Variants in HDAC9 observed in about 807,000 individuals in gnomAD.
The protein encoded by HDAC9 is MEF-2 interacting transcription repressor (MITR) protein.
In HDAC9, 41 loss-of-function variants were observed where a neutral mutation model predicts 139.4. The ratio of observed to expected loss-of-function variants is 0.29; its 90% CI spans 0.23 to 0.38. The LOEUF (loss-of-function observed/expected upper bound fraction) is 0.38, where lower values mean the gene tolerates loss of function less well. Among genes scored for constraint, HDAC9 ranks in the 10% least tolerant of loss-of-function variants. The pLI is 1.00. For synonymous variants in HDAC9, 517 were observed against 476.2 expected (o/e 1.09, Z -1.12); for missense variants, 1,147 against 1,297.0 (o/e 0.88, Z 1.78).
intron 16 of HDAC9, among the ~76,000 whole-genome samples, chr7:18,783,502 C>G (rs1791428985): frequency 6.6e-6 from 1 of 152,070 alleles, no homozygotes; most frequent in Non-Finnish European, 1.5e-5. Flanking sequence ...CAGATCATGT[C>G]TGGCCTTGTC....
chr7:18,199,547 A>T (rs899587458), intron 2 of HDAC9, among the ~76,000 whole-genome samples: 4 of 152,086 alleles, frequency 2.6e-5, no homozygotes, highest in African/African-American at 7.2e-5. Context: ...ATGCTTTGGT[A>T]GGCCAAGGCA....
upstream of HDAC9, among the ~76,000 whole-genome samples, chr7:18,287,383 A>G (rs1797521371): frequency 6.6e-6 from 1 of 152,266 alleles, no homozygotes; most frequent in South Asian, 2.1e-4. Context: ...AGTACTTGTT[A>G]CACTGAATAC....
At chr7:18,425,026 T>G (rs377412462) in intron 1 of HDAC9, among the ~76,000 whole-genome samples, 1 of 152,308 alleles carries the variant, frequency 6.6e-6, no homozygotes, top group African/African-American at 2.4e-5. Context: ...CAAAGATATT[T>G]GTGGGTTACC....
intron 12 of HDAC9, among the ~76,000 whole-genome samples, chr7:18,671,760 T>A (rs1308418236): frequency 1.3e-5 from 2 of 151,982 alleles, no homozygotes; most frequent in African/African-American, 2.4e-5. Context: ...CAACCACTCA[T>A]CTGCTTTATA....
At chr7:18,912,597 C>T (rs560578173) in intron 22 of HDAC9, among the ~76,000 whole-genome samples, 26 of 152,174 alleles carry the variant, frequency 1.7e-4, no homozygotes, top group African/African-American at 6.3e-4. Context: ...GTCCCACTAG[C>T]ATCCAGTGGG....
At chr7:18,862,615 C>G (rs1171628034) in intron 21 of HDAC9, among the ~76,000 whole-genome samples, 3 of 152,142 alleles carry the variant, frequency 2.0e-5, no homozygotes, top group Admixed American at 1.3e-4. Context: ...TTCCCCCTCT[C>G]CATCTGGTTC....
At chr7:18,483,792 T>G (rs1172663053) in intron 1 of HDAC9, among the ~76,000 whole-genome samples, 1 of 152,136 alleles carries the variant, frequency 6.6e-6, no homozygotes, top group Non-Finnish European at 1.5e-5. Context: ...ATTAACAAAT[T>G]TTATTACCAG....
chr7:18,942,540 G>A (rs1320351733), intron 23 of HDAC9, among the ~76,000 whole-genome samples: 2 of 152,002 alleles, frequency 1.3e-5, no homozygotes, highest in East Asian at 1.9e-4. Flanking sequence ...CAACAAAACA[G>A]CATTTTGTTT....
At chr7:18,412,381 A>G (rs1788651634) in intron 1 of HDAC9, among the ~76,000 whole-genome samples, 1 of 152,240 alleles carries the variant, frequency 6.6e-6, no homozygotes, top group South Asian at 2.1e-4. Flanking sequence ...GAATGTATCA[A>G]TCAGAGGAGA....
intron 3 of HDAC9, among the ~76,000 whole-genome samples, chr7:18,586,927 A>G (rs1053778876): frequency 5.9e-5 from 9 of 152,130 alleles, no homozygotes; most frequent in Non-Finnish European, 1.3e-4. Flanking sequence ...TTGAAACAAT[A>G]ATAGAAACAT....
chr7:18,984,815 T>G (rs1785200843), intron 25 of HDAC9, among the ~76,000 whole-genome samples: 1 of 152,074 alleles, frequency 6.6e-6, no homozygotes, highest in Admixed American at 6.5e-5. Flanking sequence ...TAAGGCAAAC[T>G]AGGGTTGAGT....
At chr7:18,191,443 C>T (rs1562729654) in intron 2 of HDAC9, among the ~76,000 whole-genome samples, 2 of 152,176 alleles carry the variant, frequency 1.3e-5, no homozygotes, top group African/African-American at 4.8e-5. Flanking sequence ...TTTCTTTACA[C>T]GGTTTCTCAA....
At chr7:18,798,837 G>A (rs1198198003) in intron 17 of HDAC9, among the ~76,000 whole-genome samples, 1 of 152,050 alleles carries the variant, frequency 6.6e-6, no homozygotes, top group Non-Finnish European at 1.5e-5. Flanking sequence ...ACTATGAAAA[G>A]CCCCATCAGA....
chr7:18,894,631 C>G (rs188118421), intron 22 of HDAC9, among the ~76,000 whole-genome samples: 1 of 152,156 alleles, frequency 6.6e-6, no homozygotes, highest in East Asian at 1.9e-4. Flanking sequence ...GAATTTTATT[C>G]TAACGGGGAA....
chr7:18,291,524 G>T (rs1310468906), intron 1 of HDAC9, among the ~76,000 whole-genome samples: 1 of 152,066 alleles, frequency 6.6e-6, no homozygotes, highest in Non-Finnish European at 1.5e-5. Context: ...CTGTTTGTTA[G>T]CCCTACAACT....
intron 21 of HDAC9, among the ~76,000 whole-genome samples, chr7:18,839,845 A>G (rs889565699): frequency 3.9e-5 from 6 of 152,010 alleles, no homozygotes; most frequent in African/African-American, 1.2e-4. Flanking sequence ...TATTTTTTCT[A>G]AAGACTAATT....
intron 5 of HDAC9, among the ~76,000 whole-genome samples, chr7:18,591,958 C>T (rs1831119592): frequency 6.6e-6 from 1 of 152,118 alleles, no homozygotes; most frequent in African/African-American, 2.4e-5. Context: ...GAATAACTGA[C>T]AAATGTGAGG....
chr7:18,267,850 T>C (rs1278214455), intron 2 of HDAC9, among the ~76,000 whole-genome samples: 1 of 152,160 alleles, frequency 6.6e-6, no homozygotes, highest in Non-Finnish European at 1.5e-5. Context: ...AAATATTTTG[T>C]GCTTCTGCTT....
intron 12 of HDAC9, among the ~76,000 whole-genome samples, chr7:18,680,203 A>G (rs868739405): frequency 6.6e-6 from 1 of 152,008 alleles, no homozygotes; most frequent in African/African-American, 2.4e-5. Context: ...AAATTGTGCC[A>G]TTGGCCTAAA....
Sources: allele counts gnomAD v4.1 joint callset (sites outside exome capture counted in the v4.1 genomes callset), GRCh38; gene constraint gnomAD v4.1.1; transcripts MANE v1.5; gene names NCBI Gene and HGNC (gene_info 2026-07-23, HGNC 2026-07-21).